BMPER: variants seen among roughly 807,000 people sequenced by gnomAD.
BMPER encodes BMP-binding endothelial regulator protein.
BMPER carries 45 observed loss-of-function variants against 87.3 expected under a neutral mutation model. The ratio of observed to expected loss-of-function variants is 0.52; its 90% confidence interval spans 0.41 to 0.66. The LOEUF is 0.66. Among genes scored for constraint, BMPER ranks in the 30% least tolerant of loss-of-function variants. The pLI is 0.00. For synonymous variants in BMPER, 326 were observed against 316.2 expected, an observed-to-expected ratio of 1.03 and a Z score of -0.33; for missense variants, 784 against 867.5, an observed-to-expected ratio of 0.90 and a Z score of 1.21.
intron 6 of BMPER, among the ~76,000 whole-genome samples, chr7:34,005,544 C>T (rs114423319): frequency 0.016 from 2,427 of 151,962 alleles, 73 homozygotes; most frequent in African/African-American, 0.056. Context: ...AACTTCTGGG[C>T]TCAGGCAACC....
At chr7:34,027,972 G>A (rs147456932) in intron 6 of BMPER, among the ~76,000 whole-genome samples, 1 of 151,950 alleles carries the variant, frequency 6.6e-6, no homozygotes, top group African/African-American at 2.4e-5. Flanking sequence ...ATAATGCATG[G>A]GTAGAATATC....
At position 34,153,332 on chromosome 7, in the gene BMPER, G is replaced by A. The variant is rs1791232514; in HGVS notation, c.*59G>A. The A allele has an allele frequency of 6.3e-7, 1 of 1,585,870 alleles. No homozygotes were observed. The highest frequency in any genetic ancestry group is 2.2e-5 in the East Asian group (1 of 44,724). On this transcript the variant is annotated 3_prime_UTR_variant, in exon 15 of 15. Coordinates refer to ENST00000649409, the MANE Select transcript of BMPER (RefSeq NM_001365308.1). ...GTGACTTTGACACTGAAGCGGAAGA[G>A]CCAATGAAGGACTGCAGTATTTGTG...
At chr7:34,019,203 C>T (rs890057945) in intron 6 of BMPER, among the ~76,000 whole-genome samples, 1 of 152,002 alleles carries the variant, frequency 6.6e-6, no homozygotes, top group Non-Finnish European at 1.5e-5. Context: ...AGAGAACATT[C>T]CTTTCTTCCT....
intron 6 of BMPER, among the ~76,000 whole-genome samples, chr7:33,994,483 G>A (rs557996198): frequency 3.3e-5 from 5 of 152,252 alleles, no homozygotes; most frequent in African/African-American, 4.8e-5. Flanking sequence ...TTTGGCTCGC[G>A]CATGGTGCGC....
intron 14 of BMPER, 150 bp downstream of exon 14, chr7:34,143,510 G>C: frequency 1.6e-6 from 2 of 1,228,454 alleles, no homozygotes; most frequent in Non-Finnish European, 1.2e-6. Flanking sequence ...ATTGCTACTT[G>C]ATAAAACACA....
At chr7:34,014,714 G>T (rs1437323807) in intron 6 of BMPER, among the ~76,000 whole-genome samples, 1 of 151,936 alleles carries the variant, frequency 6.6e-6, no homozygotes, top group Non-Finnish European at 1.5e-5. Flanking sequence ...AATTGAGGTT[G>T]TAAGTAAACC....
chr7:34,042,165 A>C (rs1014482107), intron 6 of BMPER, among the ~76,000 whole-genome samples: 2 of 152,224 alleles, frequency 1.3e-5, no homozygotes, highest in Non-Finnish European at 1.5e-5. Context: ...TAAAACAAAA[A>C]TAAAGGAGCG....
At chr7:33,955,200 G>A (rs1250859759) in intron 3 of BMPER, among the ~76,000 whole-genome samples, 1 of 152,136 alleles carries the variant, frequency 6.6e-6, no homozygotes, top group Non-Finnish European at 1.5e-5. Flanking sequence ...CCTGGCCAAG[G>A]CCTTTATCAA....
intron 13 of BMPER, among the ~76,000 whole-genome samples, chr7:34,138,549 C>G (rs749171542): frequency 6.6e-6 from 1 of 152,178 alleles, no homozygotes; most frequent in Non-Finnish European, 1.5e-5. Context: ...CTACCTGAAC[C>G]CTGAACCTCT....
chr7:33,909,392 G>A (rs534560828), intron 2 of BMPER, among the ~76,000 whole-genome samples: 8 of 152,256 alleles, frequency 5.3e-5, no homozygotes, highest in African/African-American at 1.4e-4. Flanking sequence ...TTACCTTTTG[G>A]CGTTCCTTGG....
chr7:34,010,203 C>T (rs1042774191), intron 6 of BMPER, among the ~76,000 whole-genome samples: 4 of 151,794 alleles, frequency 2.6e-5, no homozygotes, highest in African/African-American at 9.7e-5. Flanking sequence ...AAATTTAGCT[C>T]AGATGTCATC....
At chr7:33,970,487 A>G in intron 5 of BMPER, 68 bp downstream of exon 5, 2 of 1,504,464 alleles carry the variant, frequency 1.3e-6, no homozygotes, top group Non-Finnish European at 1.9e-6. Context: ...GAATCTCCCA[A>G]CCCCTCTTGT....
At chr7:34,085,684 G>A in intron 12 of BMPER, 72 bp from the exon 13 acceptor site, 1 of 1,357,636 alleles carries the variant, frequency 7.4e-7, no homozygotes, top group African/African-American at 1.4e-5. Flanking sequence ...TTCTGTGTAA[G>A]GATGTATACA....
chr7:34,051,703 GGATCCTT>G (rs1235413137), intron 7 of BMPER, among the ~76,000 whole-genome samples, 151 bp from the exon 8 acceptor site: 2 of 152,016 alleles, frequency 1.3e-5, no homozygotes, highest in Non-Finnish European at 2.9e-5. Context: ...TGACTCCTGG[GGATCCTT>G]TAGGCATGTC....
intron 6 of BMPER, among the ~76,000 whole-genome samples, chr7:34,008,562 A>G (rs1184227837): frequency 6.6e-6 from 1 of 151,898 alleles, no homozygotes; most frequent in African/African-American, 2.4e-5. Context: ...GAAGGAGGCC[A>G]TGTTTGGACT....
At chr7:34,088,857 TC>T (rs1180014056) in intron 13 of BMPER, among the ~76,000 whole-genome samples, 2 of 151,988 alleles carry the variant, frequency 1.3e-5, no homozygotes, top group Admixed American at 1.3e-4. Flanking sequence ...TTACATAAAC[TC>T]CCCCTGATGC....
At chr7:33,958,158 CATTA>C (rs1785190546) in intron 3 of BMPER, among the ~76,000 whole-genome samples, 1 of 152,178 alleles carries the variant, frequency 6.6e-6, no homozygotes, top group Non-Finnish European at 1.5e-5. Context: ...TTATGAAATG[CATTA>C]AGGGAGAAAA....
chr7:34,043,872 A>G (rs1462301062), intron 6 of BMPER, among the ~76,000 whole-genome samples: 1 of 152,194 alleles, frequency 6.6e-6, no homozygotes, highest in African/African-American at 2.4e-5. Flanking sequence ...TTACAGTAGG[A>G]ATTTGTTCAG....
At chr7:33,945,224 A>C (rs1340115097) in intron 3 of BMPER, among the ~76,000 whole-genome samples, 1 of 137,872 alleles carries the variant, frequency 7.3e-6, no homozygotes, top group Non-Finnish European at 1.5e-5. Flanking sequence ...TACAGGCCTG[A>C]GCCACCGCGC....
Sources: allele counts gnomAD v4.1 joint callset (sites outside exome capture counted in the v4.1 genomes callset), GRCh38; gene constraint gnomAD v4.1.1; transcripts MANE v1.5; gene names NCBI Gene and HGNC (gene_info 2026-07-23, HGNC 2026-07-21).